The following ITGA5 variants were observed in gnomAD, a reference collection of about 807,000 sequenced individuals.
The protein encoded by ITGA5 is integrin alpha-5.
ITGA5 carries 55 observed loss-of-function variants against 146.3 expected under a neutral mutation model. That is an observed-to-expected ratio of 0.38 (90% CI 0.30 to 0.47). The LOEUF (loss-of-function observed/expected upper bound fraction) is 0.47, where lower values mean the gene tolerates loss of function less well. ITGA5 is among the 20% of genes least tolerant of loss of function. The pLI is 0.99. For missense variants in ITGA5, 1,131 were observed against 1,329.0 expected, an observed-to-expected ratio of 0.85 and a Z score of 2.32; for synonymous variants, 500 against 531.8, an observed-to-expected ratio of 0.94 and a Z score of 0.82.
Position 54,401,196 on chromosome 12 carries a change from A to G in ITGA5, c.2493+177T>C, listed in dbSNP as rs780105609. On this transcript the variant is annotated intron_variant, in intron 24 of 29. Transcript: ENST00000293379. This position sits in a 1 kb window ranked among gnomAD's most constrained non-coding sequence, Gnocchi z 5.0. ...TCCATCTTTCTTTCCAAGCCACTCA[A>G]TTGGCCTGTCTCTCCTCTGGCTGTT... 9.9e-5 allele frequency among the ~76,000 whole-genome samples: 15 copies of G among 152,092 alleles called. No homozygotes were observed. Among genetic ancestry groups the G allele is most frequent in the Non-Finnish European group, 1.9e-4 (13 of 68,012 alleles).
chr12:54,397,296 G>C, intron 29 of ITGA5, 69 bp downstream of exon 29: 1 of 1,578,436 alleles, frequency 6.3e-7, no homozygotes, highest in Non-Finnish European at 8.7e-7. Flanking sequence ...GTAGATACTT[G>C]GGACTGTGCC....
chr12:54,405,932 A>G lies in ITGA5; in HGVS notation c.907-6T>C, dbSNP rs1447878725. On this transcript the variant is annotated splice_region_variant and splice_polypyrimidine_tract_variant and intron_variant, in intron 9 of 29. Transcript: ENST00000293379. The stretch of plus-strand genomic sequence containing the variant: ...GAGCCATTAAGGATGGTGACCTGGG[A>G]GATGAAGAGATAGGCCCATTGGTCC... The G allele has an allele frequency of 6.2e-7, 1 of 1,613,188 alleles. No homozygotes were observed. Among genetic ancestry groups the G allele is most frequent in the Admixed American group, 1.7e-5 (1 of 60,012 alleles).
rs1426237488 is a variant in ITGA5 at position 54,403,177 on chromosome 12, C to T, written c.1914+10G>A. On this transcript the variant is annotated intron_variant, in intron 18 of 29. Coordinates refer to ENST00000293379, the MANE Select transcript of ITGA5 (RefSeq NM_002205.5). This position sits in a 1 kb window ranked among gnomAD's most constrained non-coding sequence, Gnocchi z 4.9. ...TCTTCCCAGGTCCCTTCTCCCTGCC[C>T]TGTCCTCACCTTGTCCTCTATCCGG... The T allele has an allele frequency of 2.6e-6, 4 of 1,565,542 alleles. No homozygotes were observed. The highest frequency in any genetic ancestry group is 1.9e-5 in the Admixed American group (1 of 51,948).
intron 13 of ITGA5, 63 bp downstream of exon 13, chr12:54,404,638 AAG>A (rs768695839): frequency 6.6e-7 from 1 of 1,518,070 alleles, no homozygotes; most frequent in African/African-American, 1.4e-5. Flanking sequence ...AAAGGTGCAG[AAG>A]AGAGAGTAGG....
intron 1 of ITGA5, among the ~76,000 whole-genome samples, chr12:54,412,825 C>T (rs1321588430): frequency 1.3e-5 from 2 of 152,186 alleles, no homozygotes; most frequent in Admixed American, 6.5e-5. Context: ...GCCTCCAAGA[C>T]CTCCACACCG....
In ITGA5 at chr12:54,409,918, A is replaced by G. The variant is rs1249180; in HGVS notation, c.350-321T>C. ...GTCACCCAGGCTGGAGTGCAGTAGC[A>G]TGATCTCGGCTCAGTGCAACCTCCG... On this transcript the variant is annotated intron_variant, in intron 2 of 29. Transcript: ENST00000293379. The surrounding 1 kb of genome is among the most constrained non-coding windows in gnomAD (Gnocchi z 4.7). Among the ~76,000 whole-genome samples, 139,696 of 151,776 alleles carry G rather than the reference A, an allele frequency of 0.92. 64,361 individuals carry two copies. Among genetic ancestry groups the G allele is most frequent in the East Asian group, 0.95 (4,882 of 5,130 alleles).
rs745427831 is a variant in ITGA5, at chr12:54,409,623, T to G, written c.350-26A>C. 1 of 1,520,420 alleles carries G rather than the reference T, an allele frequency of 6.6e-7. No individual in the cohort carries two copies. The highest frequency in any genetic ancestry group is 1.4e-5 in the African/African-American group (1 of 73,200). The allele number at this position is 1,520,420 out of a possible 1,614,324, so 94.2% of individuals were successfully genotyped here. On this transcript the variant is annotated intron_variant, in intron 2 of 29. Transcript: ENST00000293379. The surrounding 1 kb of genome is among the most constrained non-coding windows in gnomAD (Gnocchi z 4.7). ...CTTGTGGAAGTGAGAAGGGGGAGTC[T>G]TACTGAGCCATGGACATTTGAGCTC...
At position 54,401,373 on chromosome 12, in the gene ITGA5, C is replaced by T. The variant is rs1955781617; in HGVS notation, c.2493G>A (p.Glu831=). Residue 831 remains glutamate, a splice_region_variant and synonymous_variant, in exon 24 of 30, where the codon GAG becomes GAA. Transcript: ENST00000293379. This position sits in a 1 kb window ranked among gnomAD's most constrained non-coding sequence, Gnocchi z 5.0. Reference sequence around the variant, plus strand: ...CTGGCCCTGCCCCTTCCCCCCTTACCTCATAGACATGGTGGACAGCAGGTC... The same window carrying T: ...CTGGCCCTGCCCCTTCCCCCCTTACTTCATAGACATGGTGGACAGCAGGTC... ...DLGPAVHHVY[E]LINQGPSSIS... The T allele has an allele frequency of 6.2e-7, 1 of 1,606,054 alleles. No individual in the cohort carries two copies.
At position 54,412,041 on chromosome 12, in the gene ITGA5, G is replaced by A. The variant is rs1315589500; in HGVS notation, c.219-77C>T. 20 of 1,277,612 alleles carry A rather than the reference G, an allele frequency of 1.6e-5. No homozygotes were observed. In the East Asian group the frequency reaches 4.8e-4, roughly 31 times the overall value. 79.1% of individuals were successfully genotyped at this position (1,277,612 alleles called of 1,614,324 possible). A position where few individuals can be genotyped will look rare whatever the true frequency, so the allele number is the denominator to read the frequency against. ...GTGTCTGGAGGCAGGAAGGACCCAG[G>A]CCTCTAGGCTGGGGCTGGCTGGGGG... On this transcript the variant is annotated intron_variant, in intron 1 of 29. Coordinates refer to ENST00000293379, the MANE Select transcript of ITGA5 (RefSeq NM_002205.5).
chr12:54,413,632 G>A (rs996322282), intron 1 of ITGA5, among the ~76,000 whole-genome samples: 1 of 152,192 alleles, frequency 6.6e-6, no homozygotes, highest in African/African-American at 2.4e-5. Context: ...TGGGTGATGT[G>A]AGAGAAGGAG....
chr12:54,398,835 C>CTTTTT (rs34443272), intron 27 of ITGA5, 137 bp from the exon 28 acceptor site: 20 of 220,516 alleles, frequency 9.1e-5, no homozygotes, highest in South Asian at 2.6e-4. Flanking sequence ...CTCTCTCTCT[C>CTTTTT]TTTTTTTTTT....
rs772874158 is a variant in ITGA5 at position 54,397,443 on chromosome 12, G to A, written c.2988C>T (p.Gly996=). 5.6e-6 allele frequency: 9 copies of A among 1,614,020 alleles called. No homozygotes were observed. The highest frequency in any genetic ancestry group is 4.4e-5 in the South Asian group (4 of 91,092). ...CTAGGATGATGATCCACAGTGGGAC[G>A]CCATAGCTGCCTTCTGCCTTGGTCC... The part of the protein sequence containing the change: ...VQWTKAEGSY[G]VPLWIIILAI... Residue 996 remains glycine (G), a synonymous_variant, in exon 29 of 30, where the codon GGC becomes GGT. Coordinates refer to ENST00000293379, the MANE Select transcript of ITGA5 (RefSeq NM_002205.5).
At chr12:54,400,464 G>A (rs917894140) in intron 25 of ITGA5, 5 of 204,534 alleles carry the variant, frequency 2.4e-5, no homozygotes, top group Middle Eastern at 2.1e-3. Context: ...GTTCTGTTTG[G>A]TGCAATATTT....
intron 1 of ITGA5, among the ~76,000 whole-genome samples, chr12:54,414,844 T>TCAA (rs762357824): frequency 3.0e-4 from 45 of 149,802 alleles, no homozygotes; most frequent in Non-Finnish European, 3.0e-4. Context: ...AGACTCCTTC[T>TCAA]CAACAACAAC....
At chr12:54,405,948 C>G (rs370152249) in intron 9 of ITGA5, 22 bp from the exon 10 acceptor site, 23 of 1,607,896 alleles carry the variant, frequency 1.4e-5, no homozygotes, top group Non-Finnish European at 1.9e-5. Context: ...AGAGATAGGC[C>G]CATTGGTCCT....
In ITGA5 at chr12:54,403,184, C is replaced by A; in HGVS notation, c.1914+3G>T. 1 of 1,564,202 alleles carries A rather than the reference C, an allele frequency of 6.4e-7. No homozygotes were observed. On this transcript the variant is annotated splice_donor_region_variant and intron_variant, in intron 18 of 29. Coordinates refer to ENST00000293379, the MANE Select transcript of ITGA5 (RefSeq NM_002205.5). The surrounding 1 kb of genome is among the most constrained non-coding windows in gnomAD (Gnocchi z 4.9). ...AGGTCCCTTCTCCCTGCCCTGTCCT[C>A]ACCTTGTCCTCTATCCGGCTCTTGC...
Position 54,409,097 on chromosome 12 carries a change from C to G in ITGA5, c.583+135G>C. 2.1e-6 allele frequency: 3 copies of G among 1,411,154 alleles called. No individual in the cohort carries two copies. The highest frequency in any genetic ancestry group is 2.3e-5 in the East Asian group (1 of 43,764). 87.4% of individuals were successfully genotyped at this position (1,411,154 alleles called of 1,614,324 possible). Reference sequence around the variant, plus strand: ...GACAGTAAGCATAAAGGCTAACGAACTGGGTTAGCCTTTATCTTAAGCAAC... The same window carrying G: ...GACAGTAAGCATAAAGGCTAACGAAGTGGGTTAGCCTTTATCTTAAGCAAC... On this transcript the variant is annotated intron_variant, in intron 4 of 29. Transcript: ENST00000293379. This position sits in a 1 kb window ranked among gnomAD's most constrained non-coding sequence, Gnocchi z 4.7.
chr12:54,407,861 A>T lies in ITGA5; in HGVS notation c.833T>A (p.Val278Asp), dbSNP rs76021453. The change falls in exon 8 of 30, where the codon GTT (valine) becomes GAT (aspartate). Residue 278 changes from valine to aspartate, a missense_variant. This residue lies in a region of ITGA5 where 889 missense variants were observed against 1,021.5 expected (regional missense o/e 0.87). Coordinates refer to ENST00000293379, the MANE Select transcript of ITGA5 (RefSeq NM_002205.5). ...TGTGTCATCACCACTGAATTCACCA[A>T]CAGCCACAGAGTATCCTGGGGGACA... Reference protein sequence around the residue: ...DDSYLGYSVAVGEFSGDDTED... With the variant: ...DDSYLGYSVADGEFSGDDTED... 1 of 1,589,838 alleles carries T rather than the reference A, an allele frequency of 6.3e-7. No individual in the cohort carries two copies. The highest frequency in any genetic ancestry group is 1.2e-5 in the South Asian group (1 of 86,616).
chr12:54,400,552 C>T (rs546073492), intron 25 of ITGA5: 3 of 347,224 alleles, frequency 8.6e-6, no homozygotes, highest in East Asian at 5.8e-5. Context: ...AACAGGCATT[C>T]GGGCCCAGAG....
Sources: gnomAD v4.1 joint callset for allele counts (sites outside exome capture counted in the v4.1 genomes callset) on GRCh38, gnomAD v4.1.1 for gene constraint, gnomAD v4.1.1 regional missense constraint, Gnocchi (gnomAD v3.1) non-coding constraint, MANE v1.5 for transcripts, NCBI Gene and HGNC (gene_info 2026-07-23, HGNC 2026-07-21) for gene names.